KIRREL3: variants seen among roughly 807,000 people sequenced by gnomAD.
The protein encoded by KIRREL3 is kirre like nephrin family adhesion molecule 3.
Under a neutral mutation model 89.7 loss-of-function variants are expected in KIRREL3, and 36 were observed. The observed-to-expected ratio is 0.40, with a 90% CI of 0.31 to 0.53. KIRREL3 has a LOEUF of 0.53. KIRREL3 is among the 20% of genes least tolerant of loss of function. KIRREL3 has a pLI of 0.49. For synonymous variants in KIRREL3, 445 were observed against 441.4 expected (o/e 1.01, Z -0.10); for missense variants, 864 against 1,056.6 (o/e 0.82, Z 2.53).
chr11:126,993,019 T>A lies in KIRREL3; in HGVS notation c.55+7436A>T, dbSNP rs919639350. 6.6e-6 allele frequency among the ~76,000 whole-genome samples: 1 copy of A among 152,190 alleles called. No homozygotes were observed. The highest frequency in any genetic ancestry group is 2.4e-5 in the African/African-American group (1 of 41,442). On this transcript the variant is annotated intron_variant, in intron 1 of 16. Transcript: ENST00000525144. This position sits in a 1 kb window ranked among gnomAD's most constrained non-coding sequence, Gnocchi z 6.1. ...TAACCATTAAGGTCAGTTCCCCCCA[T>A]ACTTATTCTCTTGCTCACTTCATCC...
chr11:126,673,707 AAT>A (rs1946061336), intron 1 of KIRREL3, among the ~76,000 whole-genome samples: 1 of 152,162 alleles, frequency 6.6e-6, no homozygotes, highest in Non-Finnish European at 1.5e-5. Context: ...GAGTGTGGGG[AAT>A]AGTCTCCTAA....
rs1169546128 is a variant in KIRREL3 at position 126,736,578 on chromosome 11, C to T, written c.56-173666G>A. On this transcript the variant is annotated intron_variant, in intron 1 of 16. Coordinates refer to ENST00000525144, the MANE Select transcript of KIRREL3 (RefSeq NM_032531.4). The surrounding 1 kb of genome is among the most constrained non-coding windows in gnomAD (Gnocchi z 5.0). ...CATCTGAAGATATTTTCGGTTGTTA[C>T]AACTAAGTGGGGGAGTAGGGGTACC... 6.6e-6 allele frequency among the ~76,000 whole-genome samples: 1 copy of T among 152,154 alleles called. No individual in the cohort carries two copies. Among genetic ancestry groups the T allele is most frequent in the Non-Finnish European group, 1.5e-5 (1 of 68,022 alleles).
chr11:126,478,540 T>C (rs1198526288), intron 4 of KIRREL3, among the ~76,000 whole-genome samples: 1 of 152,118 alleles, frequency 6.6e-6, no homozygotes, highest in Non-Finnish European at 1.5e-5. Context: ...TATATGTGTG[T>C]ACATGTGTGT....
At chr11:126,901,302 C>T (rs1186100340) in intron 1 of KIRREL3, among the ~76,000 whole-genome samples, 1 of 151,442 alleles carries the variant, frequency 6.6e-6, no homozygotes, top group African/African-American at 2.4e-5. Context: ...CTTTTAGGTG[C>T]TTAGCTCTCA....
intron 8 of KIRREL3, among the ~76,000 whole-genome samples, chr11:126,448,279 CAAAAAAA>C (rs55787866): frequency 5.2e-5 from 5 of 95,358 alleles, no homozygotes; most frequent in Non-Finnish European, 6.2e-5. Flanking sequence ...GAGACTGTCT[CAAAAAAA>C]AAAAAAAAAA....
intron 1 of KIRREL3, among the ~76,000 whole-genome samples, chr11:126,858,707 T>G (rs1244139757): frequency 6.6e-6 from 1 of 152,144 alleles, no homozygotes; most frequent in African/African-American, 2.4e-5. Context: ...CAGAAATGCT[T>G]GTGATGAAAG....
chr11:126,501,412 G>T lies in KIRREL3; in HGVS notation c.433+19903C>A, dbSNP rs376644120. Among the ~76,000 whole-genome samples the T allele has an allele frequency of 4.6e-5, 7 of 152,178 alleles. No homozygotes were observed. Among genetic ancestry groups the T allele is most frequent in the Non-Finnish European group, 1.5e-5 (1 of 68,024 alleles). ...GGGTGCAGTCTTAGAGACTAAGGAG[G>T]CTCCTCTGGGGAGCGAGGGTGCCCA... On this transcript the variant is annotated intron_variant, in intron 4 of 16. Coordinates refer to ENST00000525144, the MANE Select transcript of KIRREL3 (RefSeq NM_032531.4). The surrounding 1 kb of genome is among the most constrained non-coding windows in gnomAD (Gnocchi z 5.8).
chr11:126,735,770 T>C (rs1159640663), intron 1 of KIRREL3, among the ~76,000 whole-genome samples: 2 of 152,246 alleles, frequency 1.3e-5, no homozygotes, highest in Non-Finnish European at 2.9e-5. Flanking sequence ...TCATTTTGAG[T>C]GAACAAATCC....
chr11:126,821,351 A>ATATATATATATATG (rs756545626), intron 1 of KIRREL3, among the ~76,000 whole-genome samples: 17 of 105,266 alleles, frequency 1.6e-4, no homozygotes, highest in African/African-American at 6.9e-4. Flanking sequence ...ATATATATAT[A>ATATATATATATATG]TGTAACTTCC....
At chr11:126,887,536 C>T (rs1262371618) in intron 1 of KIRREL3, among the ~76,000 whole-genome samples, 2 of 152,122 alleles carry the variant, frequency 1.3e-5, no homozygotes. Context: ...TGTTCTGTAA[C>T]CCACCCCTCA....
At position 126,565,813 on chromosome 11, in the gene KIRREL3, T is replaced by C. The variant is rs1940478405; in HGVS notation, c.56-2901A>G. ...GGGAGGTGAATATTGTCCAAGCTACTAACCACAGAGAGAACCAGGAGGAAG... is the reference window on the plus strand; with the variant it reads ...GGGAGGTGAATATTGTCCAAGCTACCAACCACAGAGAGAACCAGGAGGAAG... On this transcript the variant is annotated intron_variant, in intron 1 of 16. Coordinates refer to ENST00000525144, the MANE Select transcript of KIRREL3 (RefSeq NM_032531.4). The surrounding 1 kb of genome is among the most constrained non-coding windows in gnomAD (Gnocchi z 5.4). Among the ~76,000 whole-genome samples the C allele has an allele frequency of 6.6e-6, 1 of 152,062 alleles. No homozygotes were observed.
intron 1 of KIRREL3, among the ~76,000 whole-genome samples, chr11:126,971,591 G>A (rs983006533): frequency 8.5e-5 from 13 of 152,242 alleles, no homozygotes; most frequent in Admixed American, 3.9e-4. Context: ...AGTTCCTGTC[G>A]TGAGAGCACT....
In KIRREL3 at chr11:126,923,204, CTTCT is replaced by C. The variant is rs1947482192; in HGVS notation, c.55+77247_55+77250del. Among the ~76,000 whole-genome samples, 5 of 11,002 alleles carry C rather than the reference CTTCT, an allele frequency of 4.5e-4. 1 individual carries two copies. The highest frequency in any genetic ancestry group is 2.3e-3 in the African/African-American group (4 of 1,760). 7.2% of individuals were successfully genotyped at this position (11,002 alleles called of 152,430 possible). A position where few individuals can be genotyped will look rare whatever the true frequency, so the allele number is the denominator to read the frequency against. On this transcript the variant is annotated intron_variant, in intron 1 of 16. Transcript: ENST00000525144. ...TTCTTCTTCTCTTCTTCTTCTTCTT[CTTCT>C]TCTTCTTCTTCTTCTTCTTCTTCTT...
intron 1 of KIRREL3, among the ~76,000 whole-genome samples, chr11:126,698,121 G>A (rs1317150761): frequency 6.6e-6 from 1 of 152,144 alleles, no homozygotes; most frequent in African/African-American, 2.4e-5. Flanking sequence ...TAATCTTCTG[G>A]AAAAGCCTCT....
rs917184942 is a variant in KIRREL3 at position 126,683,612 on chromosome 11, A to G, written c.56-120700T>C. ...ATTGCCTGACAATACTAAGTGTTCAACCAATGCTCATGATTGGCCAGGGCA... is the reference window on the plus strand; with the variant it reads ...ATTGCCTGACAATACTAAGTGTTCAGCCAATGCTCATGATTGGCCAGGGCA... On this transcript the variant is annotated intron_variant, in intron 1 of 16. Transcript: ENST00000525144. The surrounding 1 kb of genome is among the most constrained non-coding windows in gnomAD (Gnocchi z 5.2). Among the ~76,000 whole-genome samples the G allele has an allele frequency of 8.5e-5, 13 of 152,216 alleles. No homozygotes were observed. The highest frequency in any genetic ancestry group is 3.2e-3 in the Middle Eastern group (1 of 316).
At chr11:126,992,547 A>G (rs536751221) in intron 1 of KIRREL3, 1 of 152,324 alleles carries the variant, frequency 6.6e-6, no homozygotes, top group South Asian at 2.1e-4. Flanking sequence ...AGATCTGATG[A>G]TATTCTCTAC....
chr11:126,426,191 G>T (rs967026706), intron 15 of KIRREL3, among the ~76,000 whole-genome samples: 2 of 152,244 alleles, frequency 1.3e-5, no homozygotes, highest in Admixed American at 6.5e-5. Flanking sequence ...GCATGGCAAG[G>T]CTCCTTAGGG....
rs1341934005 is a variant in KIRREL3, at chr11:126,571,298, C to G, written c.56-8386G>C. On this transcript the variant is annotated intron_variant, in intron 1 of 16. Transcript: ENST00000525144. This position sits in a 1 kb window ranked among gnomAD's most constrained non-coding sequence, Gnocchi z 7.7. ...TGATGAATTGCCTGGAATTCTGACACAGCCATCAGCTTTCTCTGGGGCACT... is the reference window on the plus strand; with the variant it reads ...TGATGAATTGCCTGGAATTCTGACAGAGCCATCAGCTTTCTCTGGGGCACT... Among the ~76,000 whole-genome samples, 2 of 152,230 alleles carry G rather than the reference C, an allele frequency of 1.3e-5. No homozygotes were observed. The highest frequency in any genetic ancestry group is 2.9e-5 in the Non-Finnish European group (2 of 68,048).
chr11:126,487,068 G>T (rs935871288), intron 4 of KIRREL3, among the ~76,000 whole-genome samples: 1 of 152,168 alleles, frequency 6.6e-6, no homozygotes, highest in African/African-American at 2.4e-5. Context: ...TAGCAGAAAT[G>T]GAGGGGCGCA....
Sources: allele counts gnomAD v4.1 joint callset (sites outside exome capture counted in the v4.1 genomes callset), GRCh38; gene constraint gnomAD v4.1.1; non-coding constraint Gnocchi (gnomAD v3.1); transcripts MANE v1.5; gene names NCBI Gene and HGNC (gene_info 2026-07-23, HGNC 2026-07-21).